The following SLC22A23 variants were observed in gnomAD, a reference collection of about 807,000 sequenced individuals.
The protein encoded by SLC22A23 is solute carrier family 22 member 23.
In SLC22A23, 26 loss-of-function variants were observed where a neutral mutation model predicts 61.0. The ratio of observed to expected loss-of-function variants is 0.43; its 90% CI spans 0.31 to 0.59. SLC22A23 has a LOEUF of 0.59. SLC22A23 is among the 20% of genes least tolerant of loss of function. The pLI is 0.11. For synonymous variants in SLC22A23, 430 were observed against 413.9 expected, an observed-to-expected ratio of 1.04 and a Z score of -0.47; for missense variants, 796 against 934.7, an observed-to-expected ratio of 0.85 and a Z score of 1.94.
rs34898819 is a variant in SLC22A23 at position 3,286,100 on chromosome 6, ATT to A, written c.1546+757_1546+758del. On this transcript the variant is annotated intron_variant, in intron 7 of 9. Coordinates refer to ENST00000406686, the MANE Select transcript of SLC22A23 (RefSeq NM_015482.2). The surrounding 1 kb of genome is among the most constrained non-coding windows in gnomAD (Gnocchi z 4.2). ...GATGGACTCTCTAGCTTTGCCTTAG[ATT>A]TTTTTTTTTTTTTTGAGATGGAGTC... Among the ~76,000 whole-genome samples, 268 of 141,938 alleles carry A rather than the reference ATT, an allele frequency of 1.9e-3. No individual in the cohort carries two copies. Among genetic ancestry groups the A allele is most frequent in the East Asian group, 4.1e-3 (20 of 4,914 alleles). 93.1% of individuals were successfully genotyped at this position (141,938 alleles called of 152,430 possible).
At chr6:3,359,003 C>T (rs915605823) in intron 3 of SLC22A23, among the ~76,000 whole-genome samples, 4 of 152,090 alleles carry the variant, frequency 2.6e-5, no homozygotes, top group South Asian at 2.1e-4. Context: ...TGCGCTGTGC[C>T]GATGTCTAAT....
At chr6:3,412,496 G>T (rs1769338554) in intron 2 of SLC22A23, among the ~76,000 whole-genome samples, 1 of 152,180 alleles carries the variant, frequency 6.6e-6, no homozygotes. Context: ...TACAAGCATG[G>T]ATGGTTCTCC....
Position 3,456,289 on chromosome 6 carries a change from G to A in SLC22A23, c.271C>T (p.Leu91=), listed in dbSNP as rs765866297. The change falls in exon 1 of 10, where the codon CTG becomes TTG. Residue 91 remains leucine (L), a synonymous_variant. Coordinates refer to ENST00000406686, the MANE Select transcript of SLC22A23 (RefSeq NM_015482.2). The surrounding 1 kb of genome is among the most constrained non-coding windows in gnomAD (Gnocchi z 7.1). ...DGSVLPFLGG[L]GGGYQKTLVL... Reference sequence around the variant, plus strand: ...AGGGTCTTCTGATAGCCCCCGCCCAGGCCCCCGAGGAAGGGCAGCACCGAC... The same window carrying A: ...AGGGTCTTCTGATAGCCCCCGCCCAAGCCCCCGAGGAAGGGCAGCACCGAC... The A allele has an allele frequency of 1.3e-6, 2 of 1,551,202 alleles. No homozygotes were observed. The highest frequency in any genetic ancestry group is 2.4e-5 in the South Asian group (2 of 84,056).
At chr6:3,346,525 C>T (rs1764450789) in intron 3 of SLC22A23, among the ~76,000 whole-genome samples, 1 of 152,192 alleles carries the variant, frequency 6.6e-6, no homozygotes, top group Admixed American at 6.5e-5. Flanking sequence ...GGGTAGGGTC[C>T]CCTCCGTATC....
intron 4 of SLC22A23, among the ~76,000 whole-genome samples, chr6:3,321,580 T>TAAA (rs370975505): frequency 0.01 from 1,548 of 148,682 alleles, 24 homozygotes; most frequent in African/African-American, 0.036. Flanking sequence ...TTTCTAAAAT[T>TAAA]AAAAAAAAAA....
intron 1 of SLC22A23, among the ~76,000 whole-genome samples, chr6:3,429,071 T>C: frequency 6.6e-6 from 1 of 152,176 alleles, no homozygotes; most frequent in East Asian, 1.9e-4. Flanking sequence ...CCATGTATAT[T>C]TTGTTTGCCC....
At position 3,304,479 on chromosome 6, in the gene SLC22A23, T is replaced by C. The variant is rs1761831395; in HGVS notation, c.1083-6261A>G. ...GACCTTAGGATTTAAGAAGTGGGTA[T>C]GGGCCTCTTTGGGAGCCCAAGCTTT... On this transcript the variant is annotated intron_variant, in intron 4 of 9. Transcript: ENST00000406686. The surrounding 1 kb of genome is among the most constrained non-coding windows in gnomAD (Gnocchi z 4.3). Among the ~76,000 whole-genome samples, 1 of 152,126 alleles carries C rather than the reference T, an allele frequency of 6.6e-6. No homozygotes were observed. Among genetic ancestry groups the C allele is most frequent in the African/African-American group, 2.4e-5 (1 of 41,406 alleles).
chr6:3,272,167 GTT>G lies in SLC22A23; in HGVS notation c.*886_*887del, dbSNP rs1276243589. The G allele has an allele frequency of 4.6e-5, 7 of 152,438 alleles. No individual in the cohort carries two copies. The highest frequency in any genetic ancestry group is 1.7e-4 in the African/African-American group (7 of 41,432). 9.4% of individuals were successfully genotyped at this position (152,438 alleles called of 1,614,324 possible). On this transcript the variant is annotated 3_prime_UTR_variant, in exon 10 of 10. Transcript: ENST00000406686. ...CATCTTTTTGAGTTATTTTCTAATG[GTT>G]TGTAGCTTAGAAAGTAGCCATGTTT...
rs1237212781 is a variant in SLC22A23 at position 3,454,848 on chromosome 6, A to C, written c.654+1058T>G. The stretch of plus-strand genomic sequence containing the variant: ...GTTAACCAATGCACACGGGGGGAGG[A>C]GGTTACATGCACATTGACTATTTAA... On this transcript the variant is annotated intron_variant, in intron 1 of 9. Transcript: ENST00000406686. The surrounding 1 kb of genome is among the most constrained non-coding windows in gnomAD (Gnocchi z 4.3). Among the ~76,000 whole-genome samples, 1 of 152,212 alleles carries C rather than the reference A, an allele frequency of 6.6e-6. No individual in the cohort carries two copies. Among genetic ancestry groups the C allele is most frequent in the African/African-American group, 2.4e-5 (1 of 41,444 alleles).
chr6:3,434,859 C>T (rs1771104885), intron 1 of SLC22A23, among the ~76,000 whole-genome samples: 1 of 152,172 alleles, frequency 6.6e-6, no homozygotes, highest in South Asian at 2.1e-4. Flanking sequence ...AGGCCAAGAA[C>T]TCAGAAAAGA....
intron 9 of SLC22A23, among the ~76,000 whole-genome samples, chr6:3,278,043 C>G (rs1259102305): frequency 6.6e-6 from 1 of 152,202 alleles, no homozygotes; most frequent in Non-Finnish European, 1.5e-5. Context: ...GTGGTGGGCC[C>G]TACCCACTGA....
intron 9 of SLC22A23, among the ~76,000 whole-genome samples, chr6:3,278,894 G>A (rs765376858): frequency 1.8e-4 from 28 of 152,162 alleles, no homozygotes; most frequent in African/African-American, 6.8e-4. Context: ...GACAAGCAGT[G>A]AGAGGACTCC....
intron 3 of SLC22A23, among the ~76,000 whole-genome samples, chr6:3,357,056 CAAAAAAAAAAAAAAAAA>C (rs66509026): frequency 2.3e-5 from 2 of 86,066 alleles, no homozygotes; most frequent in African/African-American, 4.5e-5. Flanking sequence ...AAAACAGAGC[CAAAAAAAAAAAAAAAAA>C]AAAAAAAAAA....
intron 3 of SLC22A23, among the ~76,000 whole-genome samples, chr6:3,389,363 T>C (rs781095009): frequency 8.6e-5 from 13 of 151,810 alleles, no homozygotes; most frequent in African/African-American, 1.2e-4. Flanking sequence ...CTTAACATTA[T>C]TGAAATGTAC....
At chr6:3,302,470 A>G (rs1308023354) in intron 4 of SLC22A23, among the ~76,000 whole-genome samples, 1 of 152,034 alleles carries the variant, frequency 6.6e-6, no homozygotes, top group Non-Finnish European at 1.5e-5. Flanking sequence ...TCCTTCTACT[A>G]CTTTTAAGTT....
intron 8 of SLC22A23, among the ~76,000 whole-genome samples, chr6:3,284,419 G>A (rs1325435380): frequency 1.3e-5 from 2 of 152,226 alleles, no homozygotes; most frequent in Non-Finnish European, 2.9e-5. Flanking sequence ...GGGCCCAGAA[G>A]GCAAGTGTTC....
chr6:3,328,169 C>G lies in SLC22A23; in HGVS notation c.914-4167G>C, dbSNP rs1440914902. ...AAGCTACTCTTGGCAACTAGATATACTTTGTCGATAAGCAGAGAGATTACT... is the reference window on the plus strand; with the variant it reads ...AAGCTACTCTTGGCAACTAGATATAGTTTGTCGATAAGCAGAGAGATTACT... On this transcript the variant is annotated intron_variant, in intron 3 of 9. Coordinates refer to ENST00000406686, the MANE Select transcript of SLC22A23 (RefSeq NM_015482.2). This position sits in a 1 kb window ranked among gnomAD's most constrained non-coding sequence, Gnocchi z 5.0. 1.3e-5 allele frequency among the ~76,000 whole-genome samples: 2 copies of G among 151,338 alleles called. No homozygotes were observed. The highest frequency in any genetic ancestry group is 2.4e-5 in the African/African-American group (1 of 41,128).
chr6:3,321,216 C>A (rs572914285), intron 4 of SLC22A23, among the ~76,000 whole-genome samples: 106 of 152,340 alleles, frequency 7.0e-4, no homozygotes, highest in African/African-American at 2.2e-3. Context: ...ACTATTATGA[C>A]CCACTTTTTA....
At chr6:3,364,273 T>A (rs1765664355) in intron 3 of SLC22A23, among the ~76,000 whole-genome samples, 1 of 152,138 alleles carries the variant, frequency 6.6e-6, no homozygotes, top group Admixed American at 6.5e-5. Flanking sequence ...TGCATTCGAT[T>A]TTCACGGCAA....
Sources: allele counts gnomAD v4.1 joint callset (sites outside exome capture counted in the v4.1 genomes callset), GRCh38; gene constraint gnomAD v4.1.1; non-coding constraint Gnocchi (gnomAD v3.1); transcripts MANE v1.5; gene names NCBI Gene and HGNC (gene_info 2026-07-23, HGNC 2026-07-21).